The following PRRC2C variants were observed in gnomAD, a reference collection of about 807,000 sequenced individuals.
PRRC2C encodes the protein protein PRRC2C.
A neutral mutation model predicts 317.2 loss-of-function variants in PRRC2C; 72 were observed. The observed-to-expected ratio is 0.23, with a 90% CI of 0.19 to 0.28. The LOEUF (loss-of-function observed/expected upper bound fraction) is 0.28, where lower values mean the gene tolerates loss of function less well. PRRC2C is among the 10% of genes least tolerant of loss of function. PRRC2C has a pLI of 1.00. For synonymous variants in PRRC2C, 1,296 were observed against 1,205.9 expected (o/e 1.07, Z -1.55); for missense variants, 3,074 against 3,459.7 (o/e 0.89, Z 2.80).
chr1:171,563,123 C>T (rs1453000066), intron 20 of PRRC2C, among the ~76,000 whole-genome samples: 1 of 151,880 alleles, frequency 6.6e-6, no homozygotes, highest in Non-Finnish European at 1.5e-5. Flanking sequence ...GGGATGAAAG[C>T]CTGGATGAAA....
chr1:171,539,128 A>G (rs923380724), intron 15 of PRRC2C, among the ~76,000 whole-genome samples: 1 of 151,890 alleles, frequency 6.6e-6, no homozygotes, highest in Non-Finnish European at 1.5e-5. Flanking sequence ...CAGCCTCCCT[A>G]GTAGCTGGGA....
chr1:171,566,340 G>A lies in PRRC2C; in HGVS notation c.6225G>A (p.Ser2075=), dbSNP rs368894394. 1.2e-5 allele frequency: 20 copies of A among 1,600,482 alleles called. No individual in the cohort carries two copies. Among genetic ancestry groups the A allele is most frequent in the Non-Finnish European group, 1.4e-5 (16 of 1,173,204 alleles). Residue 2075 remains serine, a synonymous_variant, in exon 21 of 35, where the codon TCG becomes TCA. Transcript: ENST00000647382. The part of the protein sequence containing the change: ...GNENEVVPVL[S]EKSADKIPEP... ...AAAATGAAGTTGTTCCTGTGCTTTC[G>A]GAAAAATCTGCTGACAAAATACCTG...
At chr1:171,510,947 G>A (rs1671257341) in intron 1 of PRRC2C, 1 of 152,120 alleles carries the variant, frequency 6.6e-6, no homozygotes, top group Non-Finnish European at 1.5e-5. Flanking sequence ...TACAAACGTT[G>A]GGTGGCATTT....
chr1:171,528,659 C>T (rs570685949), intron 11 of PRRC2C, among the ~76,000 whole-genome samples: 57 of 152,274 alleles, frequency 3.7e-4, no homozygotes, highest in Non-Finnish European at 7.2e-4. Context: ...TTAGCCCTCT[C>T]CAGGCATGCT....
At chr1:171,496,580 A>G (rs1294625739) in intron 1 of PRRC2C, among the ~76,000 whole-genome samples, 1 of 151,986 alleles carries the variant, frequency 6.6e-6, no homozygotes, top group African/African-American at 2.4e-5. Flanking sequence ...CCACTTGTTA[A>G]TATTTTACCA....
At chr1:171,571,874 T>C (rs1684822844) in intron 24 of PRRC2C, among the ~76,000 whole-genome samples, 1 of 152,228 alleles carries the variant, frequency 6.6e-6, no homozygotes, top group Non-Finnish European at 1.5e-5. Context: ...ATGATTATTT[T>C]ATGGGAAGAT....
chr1:171,530,710 C>T (rs1357686166), intron 11 of PRRC2C, among the ~76,000 whole-genome samples: 2 of 151,974 alleles, frequency 1.3e-5, no homozygotes, highest in South Asian at 2.1e-4. Flanking sequence ...AAGTTAAAAC[C>T]ACTGAGATTT....
intron 32 of PRRC2C, 126 bp from the exon 33 acceptor site, chr1:171,588,253 A>G: frequency 9.5e-7 from 1 of 1,050,440 alleles, no homozygotes; most frequent in Non-Finnish European, 1.4e-6. Context: ...ATGTTTTGGT[A>G]ATCATCATAG....
chr1:171,572,608 C>T (rs1387310747), intron 24 of PRRC2C, among the ~76,000 whole-genome samples: 1 of 152,178 alleles, frequency 6.6e-6, no homozygotes, highest in Non-Finnish European at 1.5e-5. Context: ...CTGTCTTTGC[C>T]TAGTCTTTAC....
chr1:171,565,896 ATTCATCTGT>A, intron 20 of PRRC2C, among the ~76,000 whole-genome samples: 1 of 152,254 alleles, frequency 6.6e-6, no homozygotes, highest in South Asian at 2.1e-4. Flanking sequence ...TTTCCAGTGT[ATTCATCTGT>A]TTGTTGGTAG....
chr1:171,503,567 G>A (rs1011436699), intron 1 of PRRC2C, among the ~76,000 whole-genome samples: 1 of 151,722 alleles, frequency 6.6e-6, no homozygotes, highest in Admixed American at 6.6e-5. Flanking sequence ...CAAAGTGATG[G>A]TGCTATTTTC....
chr1:171,503,876 A>G lies in PRRC2C; in HGVS notation c.-57-8156A>G, dbSNP rs370076799. 3.9e-5 allele frequency among the ~76,000 whole-genome samples: 6 copies of G among 152,320 alleles called. No homozygotes were observed. The East Asian group carries it at 1.2e-3, about 29-fold the overall frequency. On this transcript the variant is annotated intron_variant, in intron 1 of 34. Transcript: ENST00000647382. ...CTTACATGGCAGCAGACAAAGAGAG[A>G]GAACTTGTACAGGGAAACTTCCCTT... is the stretch of plus-strand genomic sequence containing the variant.
At chr1:171,487,728 G>A (rs779044450) in intron 1 of PRRC2C, among the ~76,000 whole-genome samples, 1 of 152,198 alleles carries the variant, frequency 6.6e-6, no homozygotes, top group Non-Finnish European at 1.5e-5. Context: ...TATGTAAAGG[G>A]CTTATTACTA....
In PRRC2C at chr1:171,567,327, G is replaced by T. The variant is rs758334135; in HGVS notation, c.6558+484G>T. Among the ~76,000 whole-genome samples, 4 of 152,100 alleles carry T rather than the reference G, an allele frequency of 2.6e-5. No homozygotes were observed. The South Asian group carries it at 6.2e-4, about 24-fold the overall frequency. On this transcript the variant is annotated intron_variant, in intron 22 of 34. Coordinates refer to ENST00000647382, the MANE Select transcript of PRRC2C (RefSeq NM_001387844.1). ...ATTTAGGGGCCACATTGAATGAAAC[G>T]TGTATCTAAAAATGCTCATTAAGAC... is the stretch of plus-strand genomic sequence containing the variant.
At chr1:171,556,339 T>G (rs1484799766) in intron 18 of PRRC2C, among the ~76,000 whole-genome samples, 1 of 152,204 alleles carries the variant, frequency 6.6e-6, no homozygotes, top group African/African-American at 2.4e-5. Flanking sequence ...ATGACTTCCC[T>G]TGGCTAGGAA....
At chr1:171,552,702 C>T (rs1480253432) in intron 18 of PRRC2C, among the ~76,000 whole-genome samples, 1 of 152,146 alleles carries the variant, frequency 6.6e-6, no homozygotes, top group Non-Finnish European at 1.5e-5. Context: ...AAGGCCTTTT[C>T]TGCATCTATT....
chr1:171,534,367 T>A (rs549684687), intron 12 of PRRC2C, among the ~76,000 whole-genome samples: 43 of 152,356 alleles, frequency 2.8e-4, no homozygotes, highest in Non-Finnish European at 5.6e-4. Flanking sequence ...CATAGTTTAA[T>A]AAGTTTTATT....
intron 27 of PRRC2C, 49 bp from the exon 28 acceptor site, chr1:171,579,779 C>T (rs1300617815): frequency 6.8e-7 from 1 of 1,477,692 alleles, no homozygotes; most frequent in African/African-American, 1.4e-5. Context: ...AATGATTTAT[C>T]TGTATGATGT....
Position 171,589,336 on chromosome 1 carries a change from TTCAATGTTGTATG to T in PRRC2C, c.8200-31_8200-19del. 1 of 825,468 alleles carries T rather than the reference TTCAATGTTGTATG, an allele frequency of 1.2e-6. No homozygotes were observed. The highest frequency in any genetic ancestry group is 1.7e-6 in the Non-Finnish European group (1 of 576,862). The allele number at this position is 825,468 out of a possible 1,614,324, so 51.1% of individuals were successfully genotyped here. Reference sequence around the variant, plus strand: ...TTTTTTTTTTTTTTTTTTTTAACAGTTCAATGTTGTATGTTTTGTTTTTTTCACTCAGATTCTC... The same window carrying T: ...TTTTTTTTTTTTTTTTTTTTAACAGTTTTTGTTTTTTTCACTCAGATTCTC... On this transcript the variant is annotated intron_variant, in intron 33 of 34. Transcript: ENST00000647382.
Sources: gnomAD v4.1 joint callset for allele counts (sites outside exome capture counted in the v4.1 genomes callset) on GRCh38, gnomAD v4.1.1 for gene constraint, MANE v1.5 for transcripts, NCBI Gene and HGNC (gene_info 2026-07-23, HGNC 2026-07-21) for gene names.